SETBP1: variants seen among roughly 807,000 people sequenced by gnomAD.
SETBP1 encodes the protein SET binding protein 1.
A neutral mutation model predicts 101.0 loss-of-function variants in SETBP1; 9 were observed. The observed-to-expected ratio is 0.09, with a 90% CI of 0.05 to 0.16. The LOEUF is 0.16. SETBP1 is among the 10% of genes least tolerant of loss of function. The pLI is 1.00. For synonymous variants in SETBP1, 818 were observed against 788.5 expected (o/e 1.04, Z -0.63); for missense variants, 1,858 against 2,033.8 (o/e 0.91, Z 1.66).
At chr18:44,840,026 T>C (rs1214290734) in intron 2 of SETBP1, among the ~76,000 whole-genome samples, 2 of 152,152 alleles carry the variant, frequency 1.3e-5, no homozygotes, top group Admixed American at 1.3e-4. Context: ...TTATTTGACT[T>C]ATGCATTTAG....
intron 2 of SETBP1, among the ~76,000 whole-genome samples, chr18:44,721,334 A>T (rs1436740461): frequency 5.3e-5 from 8 of 152,210 alleles, no homozygotes; most frequent in Non-Finnish European, 1.2e-4. Context: ...GTTATGCCTC[A>T]TATAGGAATG....
At chr18:44,745,284 A>T (rs2070212268) in intron 2 of SETBP1, among the ~76,000 whole-genome samples, 1 of 152,202 alleles carries the variant, frequency 6.6e-6, no homozygotes, top group Non-Finnish European at 1.5e-5. Context: ...ACACATACAC[A>T]TACACCCATG....
chr18:44,942,340 G>C (rs1481674818), intron 3 of SETBP1, among the ~76,000 whole-genome samples: 2 of 152,134 alleles, frequency 1.3e-5, no homozygotes, highest in African/African-American at 4.8e-5. Context: ...TCTCTGCTAG[G>C]CTTTGTGAAA....
At chr18:44,770,266 C>T (rs555031016) in intron 2 of SETBP1, among the ~76,000 whole-genome samples, 12 of 152,266 alleles carry the variant, frequency 7.9e-5, no homozygotes, top group African/African-American at 2.6e-4. Context: ...AGCATAGAGC[C>T]ATAAGTAAAA....
rs538600164 is a variant in SETBP1, at chr18:44,715,370, G to A, written c.486+13538G>A. 4.5e-4 allele frequency among the ~76,000 whole-genome samples: 69 copies of A among 152,164 alleles called. 1 individual carries two copies. Among genetic ancestry groups the A allele is most frequent in the African/African-American group, 1.6e-3 (68 of 41,408 alleles). ...AGCAGCACAGGGCTGTGGGATAATA[G>A]GCTCGCTGTGACTTAATCCAGAAGT... On this transcript the variant is annotated intron_variant, in intron 2 of 5. Coordinates refer to ENST00000649279, the MANE Select transcript of SETBP1 (RefSeq NM_015559.3).
At chr18:44,996,882 G>T (rs2072508658) in intron 4 of SETBP1, among the ~76,000 whole-genome samples, 1 of 152,152 alleles carries the variant, frequency 6.6e-6, no homozygotes. Flanking sequence ...AAAAGGGTAG[G>T]AAAAAGGCAA....
At chr18:44,876,737 G>A in intron 3 of SETBP1, 1 of 1,536,684 alleles carries the variant, frequency 6.5e-7, no homozygotes. Flanking sequence ...CCTGCAGTCT[G>A]GGCACAAGAA....
chr18:45,044,829 C>A (rs1057504122), intron 5 of SETBP1, among the ~76,000 whole-genome samples: 1 of 152,168 alleles, frequency 6.6e-6, no homozygotes, highest in African/African-American at 2.4e-5. Flanking sequence ...AATTAGACAA[C>A]GGGGCATTAT....
intron 2 of SETBP1, among the ~76,000 whole-genome samples, chr18:44,716,489 T>A (rs1210270548): frequency 6.6e-6 from 1 of 152,218 alleles, no homozygotes; most frequent in Non-Finnish European, 1.5e-5. Flanking sequence ...TTCTTTGGTG[T>A]CCAGGCTCTT....
At chr18:44,965,959 T>C (rs1253562899) in intron 4 of SETBP1, among the ~76,000 whole-genome samples, 1 of 152,198 alleles carries the variant, frequency 6.6e-6, no homozygotes, top group Non-Finnish European at 1.5e-5. Context: ...AACTTCTTGG[T>C]CCAGAGCAGT....
chr18:44,724,197 A>C (rs2069660200), intron 2 of SETBP1, among the ~76,000 whole-genome samples: 1 of 152,204 alleles, frequency 6.6e-6, no homozygotes, highest in South Asian at 2.1e-4. Flanking sequence ...AGCTGGAGCC[A>C]GGGAAGTTGC....
chr18:44,829,339 G>T (rs1214391208), intron 2 of SETBP1, among the ~76,000 whole-genome samples: 1 of 151,928 alleles, frequency 6.6e-6, no homozygotes, highest in Non-Finnish European at 1.5e-5. Flanking sequence ...AATTTTTTTT[G>T]GTCAAGTATA....
intron 3 of SETBP1, among the ~76,000 whole-genome samples, chr18:44,882,154 C>T (rs1031080017): frequency 6.6e-6 from 1 of 152,018 alleles, no homozygotes; most frequent in Non-Finnish European, 1.5e-5. Flanking sequence ...ACTGCTGTCC[C>T]CAATATTTTA....
chr18:44,930,055 T>C (rs2070792965), intron 3 of SETBP1, among the ~76,000 whole-genome samples: 1 of 152,242 alleles, frequency 6.6e-6, no homozygotes. Flanking sequence ...CCATTCAGTA[T>C]GATATTGGCT....
intron 4 of SETBP1, among the ~76,000 whole-genome samples, chr18:45,016,936 C>A (rs1034945118): frequency 6.6e-6 from 1 of 152,120 alleles, no homozygotes; most frequent in Non-Finnish European, 1.5e-5. Context: ...TCTCCTTTCA[C>A]GGCTGCGTGG....
chr18:44,929,437 T>C (rs545021761), intron 3 of SETBP1, among the ~76,000 whole-genome samples: 1 of 152,328 alleles, frequency 6.6e-6, no homozygotes, highest in African/African-American at 2.4e-5. Flanking sequence ...TGGTTCCATA[T>C]GAACTTTAAA....
At chr18:44,773,055 A>G (rs1449353463) in intron 2 of SETBP1, among the ~76,000 whole-genome samples, 1 of 152,164 alleles carries the variant, frequency 6.6e-6, no homozygotes, top group Non-Finnish European at 1.5e-5. Flanking sequence ...CGCTTTGTTC[A>G]TGTGGATCCT....
intron 2 of SETBP1, among the ~76,000 whole-genome samples, chr18:44,861,184 C>T (rs1027613387): frequency 2.0e-5 from 3 of 151,106 alleles, no homozygotes; most frequent in African/African-American, 4.9e-5. Flanking sequence ...GGCTTCTTAG[C>T]GCACAGTTTG....
intron 3 of SETBP1, chr18:44,869,597 G>A (rs1201034331): frequency 1.6e-5 from 6 of 381,660 alleles, no homozygotes; most frequent in Admixed American, 3.7e-5. Context: ...TGGCGGCAGA[G>A]GGTGGGTTGG....
Sources: gnomAD v4.1 joint callset for allele counts (sites outside exome capture counted in the v4.1 genomes callset) on GRCh38, gnomAD v4.1.1 for gene constraint, MANE v1.5 for transcripts, NCBI Gene and HGNC (gene_info 2026-07-23, HGNC 2026-07-21) for gene names.